The following JAM3 variants were observed in gnomAD, a reference collection of about 807,000 sequenced individuals.
JAM3 encodes junctional adhesion molecule 3.
JAM3 carries 31 observed loss-of-function variants against 39.4 expected under a neutral mutation model. That is an observed-to-expected ratio of 0.79 (90% CI 0.59 to 1.06). The LOEUF (loss-of-function observed/expected upper bound fraction) is 1.06. JAM3 is among the 50% of genes least tolerant of loss of function. The pLI is 0.00. For missense variants in JAM3, 455 were observed against 391.4 expected (o/e 1.16, Z -1.37); for synonymous variants, 182 against 148.7 (o/e 1.22, Z -1.63).
chr11:134,138,294 A>G lies in JAM3; in HGVS notation c.77-1557A>G, dbSNP rs71472115. Among the ~76,000 whole-genome samples, 27 of 95,004 alleles carry G rather than the reference A, an allele frequency of 2.8e-4. 2 individuals are homozygous for G. The highest frequency in any genetic ancestry group is 5.8e-4 in the East Asian group (2 of 3,432). 62.3% of individuals were successfully genotyped at this position (95,004 alleles called of 152,430 possible). A position where few individuals can be genotyped will look rare whatever the true frequency, so the allele number is the denominator to read the frequency against. On this transcript the variant is annotated intron_variant, in intron 1 of 8. Coordinates refer to ENST00000299106, the MANE Select transcript of JAM3 (RefSeq NM_032801.5). ...ATACTGGAAGAAATGTTTATGGCCAATAGTCCCTTAGAGCCAGTGGTGGCG... is the reference window on the plus strand; with the variant it reads ...ATACTGGAAGAAATGTTTATGGCCAGTAGTCCCTTAGAGCCAGTGGTGGCG...
chr11:134,110,862 G>C (rs1565492198), intron 1 of JAM3, among the ~76,000 whole-genome samples: 1 of 151,700 alleles, frequency 6.6e-6, no homozygotes, highest in African/African-American at 2.4e-5. Flanking sequence ...TACCTTGATT[G>C]TTTTTTTAAA....
At chr11:134,077,631 A>G (rs1198105139) in intron 1 of JAM3, among the ~76,000 whole-genome samples, 1 of 147,848 alleles carries the variant, frequency 6.8e-6, no homozygotes, top group Non-Finnish European at 1.5e-5. Context: ...CCTAAAGTGC[A>G]AGCCACCGTG....
chr11:134,079,459 A>T (rs894463612), intron 1 of JAM3, among the ~76,000 whole-genome samples: 20 of 152,246 alleles, frequency 1.3e-4, no homozygotes, highest in Non-Finnish European at 2.4e-4. Flanking sequence ...GTCTGATGTA[A>T]TGTGTGGACA....
chr11:134,075,835 C>T (rs671974), intron 1 of JAM3, among the ~76,000 whole-genome samples: 36,199 of 152,064 alleles, frequency 0.24, 4,829 homozygotes, highest in East Asian at 0.4. Context: ...TATCACCTAG[C>T]TTGTACCTGC....
intron 3 of JAM3, 73 bp from the exon 4 acceptor site, chr11:134,144,168 C>T: frequency 1.3e-6 from 2 of 1,538,480 alleles, no homozygotes; most frequent in Non-Finnish European, 9.0e-7. Context: ...AGTGCTAGCC[C>T]CAGAAACCAC....
chr11:134,136,839 C>T (rs541218610), intron 1 of JAM3, among the ~76,000 whole-genome samples: 16 of 152,296 alleles, frequency 1.1e-4, no homozygotes, highest in South Asian at 1.0e-3. Flanking sequence ...AAAGGCCGGG[C>T]GCAGTGGCTC....
intron 1 of JAM3, among the ~76,000 whole-genome samples, chr11:134,111,402 A>G (rs1232370655): frequency 6.6e-6 from 1 of 151,810 alleles, no homozygotes; most frequent in South Asian, 2.1e-4. Context: ...TCGGCCTCCC[A>G]CCATTCATCT....
At chr11:134,137,507 C>T (rs529412832) in intron 1 of JAM3, among the ~76,000 whole-genome samples, 2 of 152,372 alleles carry the variant, frequency 1.3e-5, no homozygotes, top group Non-Finnish European at 2.9e-5. Flanking sequence ...GAGCAGTGCT[C>T]TCATGACTCA....
chr11:134,148,735 G>GT, intron 7 of JAM3, 29 bp from the exon 8 acceptor site: 1 of 1,614,098 alleles, frequency 6.2e-7, no homozygotes, highest in Non-Finnish European at 8.5e-7. Context: ...TAACAACCCT[G>GT]TTGCTAAACT....
At chr11:134,141,992 C>T (rs1942982440) in intron 3 of JAM3, among the ~76,000 whole-genome samples, 1 of 151,888 alleles carries the variant, frequency 6.6e-6, no homozygotes, top group South Asian at 2.1e-4. Flanking sequence ...GTTTTGCTTC[C>T]CACTCACGTG....
intron 1 of JAM3, among the ~76,000 whole-genome samples, chr11:134,104,941 G>C (rs1301304009): frequency 6.6e-6 from 1 of 152,126 alleles, no homozygotes; most frequent in East Asian, 1.9e-4. Context: ...GCAGGAGCTG[G>C]TACCATTCCT....
intron 1 of JAM3, among the ~76,000 whole-genome samples, chr11:134,127,093 G>C (rs1202512325): frequency 1.3e-5 from 2 of 152,200 alleles, no homozygotes; most frequent in Admixed American, 1.3e-4. Flanking sequence ...TTAATCTCTT[G>C]CATGAAGTCA....
chr11:134,080,158 T>C (rs1941641209), intron 1 of JAM3, among the ~76,000 whole-genome samples: 1 of 152,236 alleles, frequency 6.6e-6, no homozygotes, highest in Non-Finnish European at 1.5e-5. Flanking sequence ...ACTCTGACCA[T>C]ACTTGGTCTA....
intron 1 of JAM3, among the ~76,000 whole-genome samples, chr11:134,111,131 A>G (rs925194805): frequency 8.7e-6 from 1 of 115,226 alleles, no homozygotes; most frequent in African/African-American, 4.2e-5. Flanking sequence ...ACACACATCC[A>G]TCTTTTTTTT....
At chr11:134,085,224 C>G (rs1054569247) in intron 1 of JAM3, among the ~76,000 whole-genome samples, 1 of 152,056 alleles carries the variant, frequency 6.6e-6, no homozygotes, top group Admixed American at 6.6e-5. Flanking sequence ...TTGAAATGCC[C>G]CCAGATTTAA....
chr11:134,115,700 G>A (rs550080252), intron 1 of JAM3, among the ~76,000 whole-genome samples: 3 of 152,014 alleles, frequency 2.0e-5, no homozygotes, highest in Non-Finnish European at 4.4e-5. Context: ...CCAGGAGTTT[G>A]AGACCAGCCT....
chr11:134,134,123 T>C (rs1043395238), intron 1 of JAM3, among the ~76,000 whole-genome samples: 3 of 151,730 alleles, frequency 2.0e-5, no homozygotes, highest in Middle Eastern at 3.4e-3. Flanking sequence ...AAACGAAAAA[T>C]GTTTTTGATG....
intron 1 of JAM3, among the ~76,000 whole-genome samples, chr11:134,128,451 G>A (rs750013800): frequency 7.9e-5 from 12 of 152,188 alleles, no homozygotes; most frequent in South Asian, 2.1e-4. Flanking sequence ...ATGGTTTGGC[G>A]GTGTGTTCCA....
At chr11:134,075,155 C>G (rs1296313543) in intron 1 of JAM3, among the ~76,000 whole-genome samples, 2 of 152,014 alleles carry the variant, frequency 1.3e-5, no homozygotes, top group Non-Finnish European at 2.9e-5. Context: ...TAATGTCTTC[C>G]CTTTACCAGA....
Sources: gnomAD v4.1 joint callset for allele counts (sites outside exome capture counted in the v4.1 genomes callset) on GRCh38, gnomAD v4.1.1 for gene constraint, MANE v1.5 for transcripts, NCBI Gene and HGNC (gene_info 2026-07-23, HGNC 2026-07-21) for gene names.